DLGAP2: variants seen among roughly 807,000 people sequenced by gnomAD.
DLGAP2 encodes disks large-associated protein 2.
Under a neutral mutation model 100.3 loss-of-function variants are expected in DLGAP2, and 26 were observed. The ratio of observed to expected loss-of-function variants is 0.26; its 90% CI spans 0.19 to 0.36. DLGAP2 has a LOEUF of 0.36. DLGAP2 is among the 10% of genes least tolerant of loss of function. The pLI is 1.00. For synonymous variants in DLGAP2, 886 were observed against 630.1 expected (o/e 1.41, Z -6.08); for missense variants, 1,858 against 1,453.2 (o/e 1.28, Z -4.53).
intron 2 of DLGAP2, among the ~76,000 whole-genome samples, chr8:1,067,294 G>C (rs1188538280): frequency 6.6e-6 from 1 of 152,218 alleles, no homozygotes; most frequent in Non-Finnish European, 1.5e-5. Context: ...GCTCTGGTCA[G>C]GAGGTTCTAC....
chr8:1,475,380 A>G (rs116513832), intron 3 of DLGAP2, among the ~76,000 whole-genome samples: 1 of 152,308 alleles, frequency 6.6e-6, no homozygotes, highest in Non-Finnish European at 1.5e-5. Context: ...ATCTACTGAG[A>G]AATCATGGAG....
Position 898,452 on chromosome 8 carries a change from C to T in DLGAP2, c.19-9460C>T, listed in dbSNP as rs1228749533. Among the ~76,000 whole-genome samples the T allele has an allele frequency of 5.9e-5, 9 of 152,340 alleles. No homozygotes were observed. In the South Asian group the frequency reaches 6.2e-4, roughly 11 times the overall value. ...TGTGCGAGCTTTGCACTTACTGAGA[C>T]GCTTCATCCGCAGGGCACACATCCA... On this transcript the variant is annotated intron_variant, in intron 1 of 14. Coordinates refer to ENST00000637795, the MANE Select transcript of DLGAP2 (RefSeq NM_001346810.2).
chr8:1,215,370 G>C (rs1040659628), intron 2 of DLGAP2, among the ~76,000 whole-genome samples: 2 of 152,194 alleles, frequency 1.3e-5, no homozygotes, highest in African/African-American at 2.4e-5. Context: ...AAAGCTAATC[G>C]TGCAGGTTGA....
chr8:1,139,557 C>A (rs1396308715), intron 2 of DLGAP2, among the ~76,000 whole-genome samples: 1 of 152,182 alleles, frequency 6.6e-6, no homozygotes, highest in Admixed American at 6.5e-5. Flanking sequence ...AAAGCCATCA[C>A]CTTGGGGGTT....
intron 2 of DLGAP2, among the ~76,000 whole-genome samples, chr8:1,235,111 C>A (rs570255709): frequency 1.2e-4 from 3 of 25,020 alleles, no homozygotes; most frequent in African/African-American, 3.0e-4. Context: ...CTAGTTCTCT[C>A]ACACATGGCG....
intron 3 of DLGAP2, among the ~76,000 whole-genome samples, chr8:1,458,302 G>C (rs1798378544): frequency 6.6e-6 from 1 of 152,046 alleles, no homozygotes. Flanking sequence ...GGTCATTGAA[G>C]TTAGTTTAGT....
At chr8:1,156,035 C>G (rs1285852205) in intron 2 of DLGAP2, among the ~76,000 whole-genome samples, 1 of 152,188 alleles carries the variant, frequency 6.6e-6, no homozygotes. Flanking sequence ...GCTGCTGCGT[C>G]CCTGACACCC....
intron 1 of DLGAP2, among the ~76,000 whole-genome samples, chr8:844,743 T>C (rs1163766840): frequency 6.6e-6 from 1 of 152,254 alleles, no homozygotes; most frequent in Non-Finnish European, 1.5e-5. Flanking sequence ...GTAACTCATA[T>C]ACTGTGCAGT....
chr8:1,006,260 T>C (rs914171123), intron 2 of DLGAP2, among the ~76,000 whole-genome samples: 1 of 152,168 alleles, frequency 6.6e-6, no homozygotes, highest in Non-Finnish European at 1.5e-5. Flanking sequence ...TGTGCTATGC[T>C]TCTGGGGAGG....
rs774160768 is a variant in DLGAP2 at position 1,486,779 on chromosome 8, CAT to C, written c.107-14586_107-14585del. Reference sequence around the variant, plus strand: ...AATATACTGCCAGTGGAGCTGGCAACATGAGAATCATGCATTTGAGTCACAAA... The same window carrying C: ...AATATACTGCCAGTGGAGCTGGCAACGAGAATCATGCATTTGAGTCACAAA... On this transcript the variant is annotated intron_variant, in intron 3 of 14. Coordinates refer to ENST00000637795, the MANE Select transcript of DLGAP2 (RefSeq NM_001346810.2). Among the ~76,000 whole-genome samples, 3 of 152,334 alleles carry C rather than the reference CAT, an allele frequency of 2.0e-5. No homozygotes were observed. In the South Asian group the frequency reaches 6.2e-4, roughly 32 times the overall value.
intron 1 of DLGAP2, among the ~76,000 whole-genome samples, chr8:741,384 A>C (rs1190118683): frequency 6.6e-6 from 1 of 152,036 alleles, no homozygotes; most frequent in Non-Finnish European, 1.5e-5. Context: ...TTCTTTTTTC[A>C]TGTCATTCTT....
chr8:1,122,567 C>A (rs576493205), intron 2 of DLGAP2, among the ~76,000 whole-genome samples: 1 of 152,114 alleles, frequency 6.6e-6, no homozygotes, highest in Non-Finnish European at 1.5e-5. Context: ...ACTTGTTTCC[C>A]TTTGGTGATT....
intron 13 of DLGAP2, among the ~76,000 whole-genome samples, chr8:1,693,479 A>G (rs1799305262): frequency 6.6e-6 from 1 of 152,170 alleles, no homozygotes; most frequent in African/African-American, 2.4e-5. Context: ...TTTATAATAC[A>G]TACATCGATT....
chr8:1,562,375 G>C (rs1584929786), intron 5 of DLGAP2, among the ~76,000 whole-genome samples: 2 of 63,706 alleles, frequency 3.1e-5, no homozygotes, highest in Non-Finnish European at 6.0e-5. Context: ...CTCGTTGCTG[G>C]GGGACTGTGT....
chr8:741,824 G>A (rs1401089891), intron 1 of DLGAP2, among the ~76,000 whole-genome samples: 2 of 152,226 alleles, frequency 1.3e-5, no homozygotes, highest in Admixed American at 6.5e-5. Flanking sequence ...AGAGCAATTG[G>A]ATGAGTGAAG....
chr8:1,298,508 G>T (rs528111569), intron 3 of DLGAP2, among the ~76,000 whole-genome samples: 1 of 152,126 alleles, frequency 6.6e-6, no homozygotes. Flanking sequence ...CTCTGGCCCC[G>T]GAGAGTGCTG....
chr8:1,319,114 T>A (rs778111483), intron 3 of DLGAP2, among the ~76,000 whole-genome samples: 2 of 152,144 alleles, frequency 1.3e-5, no homozygotes, highest in Non-Finnish European at 2.9e-5. Context: ...CTCCGAGGGC[T>A]GGAGGGCCAA....
intron 1 of DLGAP2, among the ~76,000 whole-genome samples, chr8:741,693 C>A (rs1393028908): frequency 6.6e-6 from 1 of 152,190 alleles, no homozygotes; most frequent in African/African-American, 2.4e-5. Context: ...TGTACGCTTC[C>A]CTTTCCAGGC....
chr8:868,393 C>G lies in DLGAP2; in HGVS notation c.19-39519C>G, dbSNP rs566926853. Reference sequence around the variant, plus strand: ...ACCTGTTCCTCCAGAAGAGGTTTATCTACAGAAAAATGAGCCATCTTTGTC... The same window carrying G: ...ACCTGTTCCTCCAGAAGAGGTTTATGTACAGAAAAATGAGCCATCTTTGTC... On this transcript the variant is annotated intron_variant, in intron 1 of 14. Coordinates refer to ENST00000637795, the MANE Select transcript of DLGAP2 (RefSeq NM_001346810.2). Among the ~76,000 whole-genome samples the G allele has an allele frequency of 5.9e-5, 9 of 152,252 alleles. No individual in the cohort carries two copies. In the South Asian group the frequency reaches 1.7e-3, roughly 28 times the overall value.
Sources: gnomAD v4.1 joint callset for allele counts (sites outside exome capture counted in the v4.1 genomes callset) on GRCh38, gnomAD v4.1.1 for gene constraint, MANE v1.5 for transcripts, NCBI Gene and HGNC (gene_info 2026-07-23, HGNC 2026-07-21) for gene names.